MTMR7: variants seen among roughly 807,000 people sequenced by gnomAD.
MTMR7 encodes the protein phosphatidylinositol-3-phosphate phosphatase MTMR7.
MTMR7 carries 76 observed loss-of-function variants against 81.2 expected under a neutral mutation model. That is an observed-to-expected ratio of 0.94 (90% confidence interval 0.78 to 1.13). The LOEUF (loss-of-function observed/expected upper bound fraction) is 1.13. Among genes scored for constraint, MTMR7 ranks in the 50% most tolerant of loss-of-function variants. The pLI, the probability that MTMR7 is intolerant of heterozygous loss-of-function variation, is 0.00. For synonymous variants in MTMR7, 372 were observed against 289.8 expected, an observed-to-expected ratio of 1.28 and a Z score of -2.88; for missense variants, 1,044 against 820.0, an observed-to-expected ratio of 1.27 and a Z score of -3.34.
chr8:17,410,401 C>A (rs1442583266), intron 1 of MTMR7, among the ~76,000 whole-genome samples: 7 of 149,674 alleles, frequency 4.7e-5, no homozygotes, highest in Admixed American at 2.1e-4. Flanking sequence ...TCCAGGAGCC[C>A]TGAAGTCTTT....
chr8:17,355,601 A>T (rs1343395422), intron 4 of MTMR7, among the ~76,000 whole-genome samples: 1 of 152,174 alleles, frequency 6.6e-6, no homozygotes, highest in Non-Finnish European at 1.5e-5. Flanking sequence ...GCTAAAAGAC[A>T]AAACATGGTA....
chr8:17,337,996 G>C (rs1421212976), intron 6 of MTMR7, among the ~76,000 whole-genome samples: 3 of 152,188 alleles, frequency 2.0e-5, no homozygotes, highest in Non-Finnish European at 2.9e-5. Flanking sequence ...AACCTGAGAA[G>C]TGCCTGCTTG....
chr8:17,362,339 CTG>C (rs1188949581), intron 3 of MTMR7, among the ~76,000 whole-genome samples: 1 of 152,232 alleles, frequency 6.6e-6, no homozygotes, highest in Non-Finnish European at 1.5e-5. Context: ...GAACAGCTAT[CTG>C]TGGCCAGTGG....
At chr8:17,362,234 AACTT>A (rs1290867558) in intron 3 of MTMR7, among the ~76,000 whole-genome samples, 1 of 152,182 alleles carries the variant, frequency 6.6e-6, no homozygotes, top group Non-Finnish European at 1.5e-5. Flanking sequence ...CATGATATAA[AACTT>A]ACTAATATTT....
At chr8:17,400,760 TGATAA>T (rs142709572) in intron 1 of MTMR7, among the ~76,000 whole-genome samples, 12,736 of 152,136 alleles carry the variant, frequency 0.084, 1,632 homozygotes, top group African/African-American at 0.28. Flanking sequence ...AAGACAAGGC[TGATAA>T]GATAAGTTTG....
At chr8:17,365,643 A>G (rs1820203530) in intron 3 of MTMR7, among the ~76,000 whole-genome samples, 1 of 152,296 alleles carries the variant, frequency 6.6e-6, no homozygotes, top group African/African-American at 2.4e-5. Flanking sequence ...AGCTCCTCCA[A>G]TAAGAAGCAA....
rs1358570163 is a variant in MTMR7 at position 17,319,358 on chromosome 8, T to C, written c.866-5957A>G. On this transcript the variant is annotated intron_variant, in intron 7 of 13. Transcript: ENST00000180173. ...CGAAAATGGTAGCTATGATACACATTGTATTATCTGTGCCTCCAGCAGGGG... is the reference window on the plus strand; with the variant it reads ...CGAAAATGGTAGCTATGATACACATCGTATTATCTGTGCCTCCAGCAGGGG... 3.9e-5 allele frequency among the ~76,000 whole-genome samples: 6 copies of C among 152,194 alleles called. No individual in the cohort carries two copies. In the East Asian group the frequency reaches 7.7e-4, roughly 20 times the overall value.
chr8:17,406,110 A>C (rs1280105389), intron 1 of MTMR7, among the ~76,000 whole-genome samples: 1 of 152,188 alleles, frequency 6.6e-6, no homozygotes, highest in Non-Finnish European at 1.5e-5. Flanking sequence ...ATATACATAG[A>C]TATGACACAA....
chr8:17,387,169 A>C (rs1820970760), intron 1 of MTMR7, among the ~76,000 whole-genome samples: 2 of 152,196 alleles, frequency 1.3e-5, no homozygotes, highest in Admixed American at 1.3e-4. Context: ...ACCAGCATCT[A>C]TGCATGTGAA....
At chr8:17,374,109 G>A (rs1585102376) in intron 1 of MTMR7, among the ~76,000 whole-genome samples, 1 of 152,328 alleles carries the variant, frequency 6.6e-6, no homozygotes, top group Middle Eastern at 3.4e-3. Context: ...GAGAAACACT[G>A]ACTCATCCCT....
chr8:17,331,483 A>G (rs1387289243), intron 6 of MTMR7, among the ~76,000 whole-genome samples: 1 of 152,210 alleles, frequency 6.6e-6, no homozygotes, highest in Admixed American at 6.5e-5. Flanking sequence ...AACAGCATGA[A>G]TTTGTCAGTG....
chr8:17,302,296 A>C lies in MTMR7; in HGVS notation c.1494-16T>G. 6.2e-7 allele frequency: 1 copy of C among 1,611,790 alleles called. No homozygotes were observed. Among genetic ancestry groups the C allele is most frequent in the Non-Finnish European group, 8.5e-7 (1 of 1,179,014 alleles). On this transcript the variant is annotated splice_polypyrimidine_tract_variant and intron_variant, in intron 12 of 13. Transcript: ENST00000180173. ...ACTCCAAAACCTGGAAAGGATGGCA[A>C]AGCGTCGTGATACCACCTTATCACA...
intron 7 of MTMR7, among the ~76,000 whole-genome samples, chr8:17,320,567 T>C (rs1231846506): frequency 1.3e-5 from 2 of 152,082 alleles, no homozygotes; most frequent in Non-Finnish European, 2.9e-5. Flanking sequence ...CATAAAGTAA[T>C]GTACCCAGGG....
chr8:17,410,537 C>T (rs976119425), intron 1 of MTMR7, among the ~76,000 whole-genome samples: 2 of 146,622 alleles, frequency 1.4e-5, no homozygotes, highest in African/African-American at 2.7e-5. Context: ...ACAGGTAATA[C>T]TTGGTGTCCC....
At chr8:17,329,883 AGACT>A (rs1650464873) in intron 7 of MTMR7, among the ~76,000 whole-genome samples, 2 of 152,168 alleles carry the variant, frequency 1.3e-5, no homozygotes, top group African/African-American at 2.4e-5. Context: ...GTGACCTGAG[AGACT>A]GACTGCCAAT....
chr8:17,383,452 T>A (rs753732941), intron 1 of MTMR7, among the ~76,000 whole-genome samples: 20 of 152,160 alleles, frequency 1.3e-4, no homozygotes, highest in Non-Finnish European at 2.6e-4. Flanking sequence ...ATGAAGAGCA[T>A]GAAAAATCAA....
chr8:17,317,602 G>C (rs554203175), intron 7 of MTMR7, among the ~76,000 whole-genome samples: 5 of 152,266 alleles, frequency 3.3e-5, no homozygotes, highest in Middle Eastern at 3.4e-3. Flanking sequence ...TTCTCTTGTG[G>C]AAGTGTGGAA....
At chr8:17,335,455 C>T (rs578220907) in intron 6 of MTMR7, among the ~76,000 whole-genome samples, 2 of 152,206 alleles carry the variant, frequency 1.3e-5, no homozygotes, top group Non-Finnish European at 2.9e-5. Flanking sequence ...ATCTTGGTAT[C>T]AGGTTAAAGG....
intron 1 of MTMR7, among the ~76,000 whole-genome samples, chr8:17,399,987 C>T (rs117228168): frequency 0.046 from 7,013 of 151,906 alleles, 241 homozygotes; most frequent in Non-Finnish European, 0.069. Flanking sequence ...TTTCTATATA[C>T]ATTTTAAAGA....
Sources: allele counts gnomAD v4.1 joint callset (sites outside exome capture counted in the v4.1 genomes callset), GRCh38; gene constraint gnomAD v4.1.1; transcripts MANE v1.5; gene names NCBI Gene and HGNC (gene_info 2026-07-23, HGNC 2026-07-21).